Variants in BTBD9 observed in about 807,000 individuals in gnomAD.
The protein encoded by BTBD9 is BTB domain containing 9.
BTBD9 carries 49 observed loss-of-function variants against 64.3 expected under a neutral mutation model. The ratio of observed to expected loss-of-function variants is 0.76; its 90% confidence interval spans 0.61 to 0.97. The LOEUF is 0.97. Among genes scored for constraint, BTBD9 ranks in the 50% least tolerant of loss-of-function variants. BTBD9 has a pLI of 0.00. For synonymous variants in BTBD9, 260 were observed against 274.7 expected (o/e 0.95, Z 0.53); for missense variants, 598 against 762.1 (o/e 0.78, Z 2.53).
intron 7 of BTBD9, among the ~76,000 whole-genome samples, chr6:38,318,871 G>A (rs1266550967): frequency 6.6e-6 from 1 of 152,190 alleles, no homozygotes; most frequent in African/African-American, 2.4e-5. Context: ...GTTCCCCCAG[G>A]CCCCATGCAG....
intron 6 of BTBD9, among the ~76,000 whole-genome samples, chr6:38,550,955 T>C (rs933015779): frequency 6.6e-6 from 1 of 152,158 alleles, no homozygotes; most frequent in African/African-American, 2.4e-5. Context: ...GTGCCCTCCT[T>C]ACTATTCCAG....
At chr6:38,407,478 G>A (rs572944239) in intron 6 of BTBD9, among the ~76,000 whole-genome samples, 439 of 152,138 alleles carry the variant, frequency 2.9e-3, no homozygotes, top group Non-Finnish European at 3.9e-3. Flanking sequence ...CCCGGATCAG[G>A]ACGAGAAGCA....
At chr6:38,176,733 AT>A (rs1301202958) in intron 10 of BTBD9, among the ~76,000 whole-genome samples, 1 of 152,134 alleles carries the variant, frequency 6.6e-6, no homozygotes, top group Non-Finnish European at 1.5e-5. Context: ...GGCCAGGGGA[AT>A]CTGAGAATCA....
chr6:38,342,235 C>T (rs1355784478), intron 7 of BTBD9, among the ~76,000 whole-genome samples: 2 of 151,776 alleles, frequency 1.3e-5, no homozygotes, highest in African/African-American at 4.8e-5. Flanking sequence ...AATCTAGAAA[C>T]ATAAAGGTAG....
intron 6 of BTBD9, among the ~76,000 whole-genome samples, chr6:38,552,934 T>A (rs1165654378): frequency 6.6e-6 from 1 of 152,126 alleles, no homozygotes; most frequent in Admixed American, 6.5e-5. Flanking sequence ...CTACAGATGC[T>A]CAAGTACCTT....
chr6:38,248,320 C>T (rs1764279022), intron 9 of BTBD9, among the ~76,000 whole-genome samples: 1 of 152,166 alleles, frequency 6.6e-6, no homozygotes, highest in Non-Finnish European at 1.5e-5. Flanking sequence ...CTAGGTAGTT[C>T]CATATTAGGA....
chr6:38,278,578 A>G (rs1761382491), intron 8 of BTBD9, among the ~76,000 whole-genome samples: 1 of 152,200 alleles, frequency 6.6e-6, no homozygotes, highest in African/African-American at 2.4e-5. Flanking sequence ...GAGTTTTACC[A>G]TGGGTTGTGT....
intron 6 of BTBD9, among the ~76,000 whole-genome samples, chr6:38,488,727 C>CT (rs1236040275): frequency 6.6e-6 from 1 of 151,866 alleles, no homozygotes; most frequent in Non-Finnish European, 1.5e-5. Context: ...ATTAATGTTT[C>CT]TTTTTTTATA....
intron 9 of BTBD9, among the ~76,000 whole-genome samples, chr6:38,217,234 G>A (rs1033063323): frequency 2.0e-5 from 3 of 146,970 alleles, no homozygotes; most frequent in African/African-American, 7.6e-5. Flanking sequence ...CAGGAGAATC[G>A]CTTGAACCCG....
intron 9 of BTBD9, among the ~76,000 whole-genome samples, chr6:38,206,320 T>C (rs1762649039): frequency 6.6e-6 from 1 of 151,526 alleles, no homozygotes; most frequent in Non-Finnish European, 1.5e-5. Context: ...CTTGGGAGGC[T>C]TGAACCCACC....
chr6:38,429,157 C>A (rs761908138), intron 6 of BTBD9, among the ~76,000 whole-genome samples: 2 of 151,578 alleles, frequency 1.3e-5, no homozygotes, highest in Non-Finnish European at 2.9e-5. Flanking sequence ...ATCACTGATT[C>A]AAGAACCAAC....
chr6:38,286,296 C>T (rs1330235869), intron 8 of BTBD9, among the ~76,000 whole-genome samples: 1 of 152,188 alleles, frequency 6.6e-6, no homozygotes, highest in Non-Finnish European at 1.5e-5. Flanking sequence ...CAAGCAGCAT[C>T]AACTTCTATG....
chr6:38,444,483 A>G (rs1304351254), intron 6 of BTBD9, among the ~76,000 whole-genome samples: 2 of 152,204 alleles, frequency 1.3e-5, no homozygotes, highest in African/African-American at 4.8e-5. Flanking sequence ...ACAAATATTA[A>G]TAAGGAAAAT....
chr6:38,527,815 T>TTTTTTTTTTTTTTTTTTTTTGAGACGG (rs1562299662), intron 6 of BTBD9, among the ~76,000 whole-genome samples: 1 of 151,336 alleles, frequency 6.6e-6, no homozygotes, highest in African/African-American at 2.4e-5. Context: ...ACTTTTTTTT[T>TTTTTTTTTTTTTTTTTTTTTGAGACGG]AATCATGACA....
rs1026126312 is a variant in BTBD9 at position 38,203,407 on chromosome 6, CAAAAAAAA to C, written c.1563-10818_1563-10811del. ...GCAATTTCACTTCTGGCTATCTATC[CAAAAAAAA>C]AGAAATCAGTATTTCAAAGGGATAT... is the stretch of plus-strand genomic sequence containing the variant. On this transcript the variant is annotated intron_variant, in intron 9 of 10. Transcript: ENST00000481247. 2.7e-5 allele frequency among the ~76,000 whole-genome samples: 4 copies of C among 150,044 alleles called. No individual in the cohort carries two copies. In the East Asian group the frequency reaches 7.8e-4, roughly 29 times the overall value.
chr6:38,513,959 T>C (rs905967951), intron 6 of BTBD9, among the ~76,000 whole-genome samples: 4 of 151,908 alleles, frequency 2.6e-5, no homozygotes, highest in African/African-American at 7.3e-5. Flanking sequence ...AGGCAAATGC[T>C]AGCACAGAAC....
At chr6:38,541,180 C>A (rs1774250542) in intron 6 of BTBD9, among the ~76,000 whole-genome samples, 1 of 152,116 alleles carries the variant, frequency 6.6e-6, no homozygotes, top group South Asian at 2.1e-4. Context: ...TTTTAGGCCT[C>A]CCCTCATATA....
intron 1 of BTBD9, among the ~76,000 whole-genome samples, chr6:38,627,166 C>T (rs1331775794): frequency 6.6e-6 from 1 of 152,190 alleles, no homozygotes; most frequent in Non-Finnish European, 1.5e-5. Flanking sequence ...GCAAAGATGG[C>T]TTCACAGTGG....
intron 6 of BTBD9, among the ~76,000 whole-genome samples, chr6:38,358,803 C>T (rs13206261): frequency 0.22 from 33,421 of 149,296 alleles, 4,112 homozygotes; most frequent in African/African-American, 0.32. Context: ...CTCGCTCTGT[C>T]GCCCAGGCCG....
Sources: gnomAD v4.1 joint callset for allele counts (sites outside exome capture counted in the v4.1 genomes callset) on GRCh38, gnomAD v4.1.1 for gene constraint, MANE v1.5 for transcripts, NCBI Gene and HGNC (gene_info 2026-07-23, HGNC 2026-07-21) for gene names.